The following IKZF1 variants were observed in gnomAD, a reference collection of about 807,000 sequenced individuals.
The protein encoded by IKZF1 is IKAROS family zinc finger 1, also known as DNA-binding protein Ikaros.
A neutral mutation model predicts 51.7 loss-of-function variants in IKZF1; 10 were observed. The observed-to-expected ratio is 0.19, with a 90% confidence interval of 0.12 to 0.33. IKZF1 has a LOEUF of 0.33. IKZF1 is among the 10% of genes least tolerant of loss of function. IKZF1 has a pLI of 1.00. For missense variants in IKZF1, 484 were observed against 707.5 expected (o/e 0.68, Z 3.58); for synonymous variants, 280 against 282.3 (o/e 0.99, Z 0.08).
chr7:50,362,435 C>A (rs1489395052), intron 3 of IKZF1, among the ~76,000 whole-genome samples: 1 of 152,224 alleles, frequency 6.6e-6, no homozygotes, highest in East Asian at 1.9e-4. Context: ...CTTCAGTGGA[C>A]TTGCAAAGCA....
At chr7:50,375,965 T>A (rs1437365911) in intron 3 of IKZF1, among the ~76,000 whole-genome samples, 2 of 152,230 alleles carry the variant, frequency 1.3e-5, no homozygotes, top group Admixed American at 1.3e-4. Context: ...GTCAGAACTC[T>A]GAGCATTTTT....
intron 1 of IKZF1, among the ~76,000 whole-genome samples, chr7:50,309,773 C>G (rs1251259780): frequency 6.6e-6 from 1 of 152,064 alleles, no homozygotes; most frequent in Non-Finnish European, 1.5e-5. Flanking sequence ...AAACCTAGAG[C>G]AAATAAAATT....
In IKZF1 at chr7:50,404,268, T is replaced by A; in HGVS notation, c.*3641T>A. 1 of 221,138 alleles carries A rather than the reference T, an allele frequency of 4.5e-6. No homozygotes were observed. 13.7% of individuals were successfully genotyped at this position (221,138 alleles called of 1,614,324 possible). Reference sequence around the variant, plus strand: ...CTTCTGGCGAGTACATGCACAGGATTGTAAATGAGAAATGCAGTCATATTT... The same window carrying A: ...CTTCTGGCGAGTACATGCACAGGATAGTAAATGAGAAATGCAGTCATATTT... On this transcript the variant is annotated 3_prime_UTR_variant, in exon 8 of 8. Coordinates refer to ENST00000331340, the MANE Select transcript of IKZF1 (RefSeq NM_006060.6).
intron 3 of IKZF1, among the ~76,000 whole-genome samples, chr7:50,359,215 C>T (rs1054649067): frequency 6.6e-6 from 1 of 152,088 alleles, no homozygotes; most frequent in South Asian, 2.1e-4. Context: ...GAGCTGTGAT[C>T]GAGCCACTGC....
At chr7:50,378,241 A>G (rs1205095143) in intron 4 of IKZF1, among the ~76,000 whole-genome samples, 1 of 152,354 alleles carries the variant, frequency 6.6e-6, no homozygotes, top group East Asian at 1.9e-4. Context: ...TCCATCTTCC[A>G]TAAAAATTCA....
chr7:50,389,344 T>C lies in IKZF1; in HGVS notation c.715+1874T>C, dbSNP rs140370692. Among the ~76,000 whole-genome samples, 4 of 152,338 alleles carry C rather than the reference T, an allele frequency of 2.6e-5. No individual in the cohort carries two copies. The East Asian group carries it at 7.7e-4, about 29-fold the overall frequency. On this transcript the variant is annotated intron_variant, in intron 6 of 7. Coordinates refer to ENST00000331340, the MANE Select transcript of IKZF1 (RefSeq NM_006060.6). ...CACCATCAAGCTAATTCTTCTCTAT[T>C]GGTCTCTATGTCAGTAAGGCTACGT... is the stretch of plus-strand genomic sequence containing the variant.
chr7:50,373,943 C>T (rs1809487754), intron 3 of IKZF1, among the ~76,000 whole-genome samples: 2 of 152,194 alleles, frequency 1.3e-5, no homozygotes, highest in African/African-American at 4.8e-5. Context: ...TGCTCAGATG[C>T]TCTCGGTCTC....
intron 4 of IKZF1, chr7:50,377,058 G>C: frequency 1.9e-6 from 1 of 526,840 alleles, no homozygotes; most frequent in Non-Finnish European, 3.3e-6. Context: ...GAGGCTTGGC[G>C]AGGGCTGCTA....
intron 3 of IKZF1, among the ~76,000 whole-genome samples, chr7:50,360,577 A>C (rs1804903883): frequency 6.6e-6 from 1 of 152,244 alleles, no homozygotes; most frequent in Non-Finnish European, 1.5e-5. Flanking sequence ...TTACACCGGC[A>C]GCAACAGTTT....
intron 3 of IKZF1, among the ~76,000 whole-genome samples, chr7:50,364,386 C>T (rs1806193824): frequency 6.6e-6 from 1 of 152,100 alleles, no homozygotes; most frequent in Non-Finnish European, 1.5e-5. Context: ...GAAATTCTTA[C>T]CAAATAAGTT....
At chr7:50,311,887 A>G (rs888017603) in intron 1 of IKZF1, among the ~76,000 whole-genome samples, 26 of 151,840 alleles carry the variant, frequency 1.7e-4, no homozygotes, top group African/African-American at 6.1e-4. Flanking sequence ...AAAAATGAAG[A>G]AAAAAACGTT....
chr7:50,346,423 C>T (rs1273999247), intron 3 of IKZF1, among the ~76,000 whole-genome samples: 1 of 152,234 alleles, frequency 6.6e-6, no homozygotes, highest in African/African-American at 2.4e-5. Flanking sequence ...TTTCTCTTCT[C>T]TCAAGCAGTT....
intron 5 of IKZF1, 131 bp from the exon 6 acceptor site, chr7:50,387,214 G>GT (rs1188319448): frequency 7.8e-7 from 1 of 1,284,980 alleles, no homozygotes; most frequent in African/African-American, 1.5e-5. Context: ...CACCAAGTCC[G>GT]TAACAGTTTT....
At chr7:50,321,734 C>T (rs571651984) in intron 2 of IKZF1, among the ~76,000 whole-genome samples, 108 of 152,120 alleles carry the variant, frequency 7.1e-4, no homozygotes, top group African/African-American at 2.5e-3. Context: ...CTCAGTATTC[C>T]GATCTCGTAT....
chr7:50,367,949 G>A (rs1335438417), intron 3 of IKZF1: 1 of 622,256 alleles, frequency 1.6e-6, no homozygotes, highest in African/African-American at 1.8e-5. Context: ...GTTAAACTCT[G>A]ACTATACTCT....
Position 50,401,766 on chromosome 7 carries a change from TTAGAACAG to T in IKZF1, c.*1141_*1148del. On this transcript the variant is annotated 3_prime_UTR_variant, in exon 8 of 8. Coordinates refer to ENST00000331340, the MANE Select transcript of IKZF1 (RefSeq NM_006060.6). ...GTTTTAAAACCCATAAAGGAGTGAT[TTAGAACAG>T]TCATTAATTTTCAACTCAATGAAAT... The T allele has an allele frequency of 4.5e-6, 1 of 220,140 alleles. No individual in the cohort carries two copies. Among genetic ancestry groups the T allele is most frequent in the Non-Finnish European group, 9.1e-6 (1 of 109,732 alleles). The allele number at this position is 220,140 out of a possible 1,614,324, so 13.6% of individuals were successfully genotyped here.
At position 50,400,572 on chromosome 7, in the gene IKZF1, G is replaced by C. The variant is rs1388304045; in HGVS notation, c.1505G>C (p.Arg502Pro). ...ATGTGCGGCTACCACAGCCAGGACCGGTACGAGTTCTCGTCGCACATAACG... is the reference window on the plus strand; with the variant it reads ...ATGTGCGGCTACCACAGCCAGGACCCGTACGAGTTCTCGTCGCACATAACG... ...CNMCGYHSQD[R>P]YEFSSHITRG... Residue 502 changes from arginine (R) to proline (P), a missense_variant, in exon 8 of 8, where the codon CGG becomes CCG. This residue lies in a region of IKZF1 where 42 missense variants were observed against 84.4 expected (regional missense o/e 0.50). Transcript: ENST00000331340. This position sits in a 1 kb window ranked among gnomAD's most constrained non-coding sequence, Gnocchi z 5.4. 1.2e-6 allele frequency: 2 copies of C among 1,613,694 alleles called. No individual in the cohort carries two copies. The highest frequency in any genetic ancestry group is 1.3e-5 in the African/African-American group (1 of 75,030).
intron 7 of IKZF1, among the ~76,000 whole-genome samples, chr7:50,394,795 C>CT (rs1816223156): frequency 6.6e-6 from 1 of 152,110 alleles, no homozygotes; most frequent in Non-Finnish European, 1.5e-5. Context: ...ATTTGTTTTG[C>CT]CAGCAACATT....
In IKZF1 at chr7:50,400,157, T is replaced by G. The variant is rs749853011; in HGVS notation, c.1090T>G (p.Ser364Ala). 1 of 1,561,972 alleles carries G rather than the reference T, an allele frequency of 6.4e-7. No homozygotes were observed. The highest frequency in any genetic ancestry group is 8.7e-7 in the Non-Finnish European group (1 of 1,155,056). Residue 364 changes from serine (S) to alanine (A), a missense_variant, in exon 8 of 8, where the codon TCG (serine) becomes GCG (alanine). This residue lies in a region of IKZF1 where 172 missense variants were observed against 192.7 expected (regional missense o/e 0.89). Transcript: ENST00000331340. This position sits in a 1 kb window ranked among gnomAD's most constrained non-coding sequence, Gnocchi z 5.4. The stretch of plus-strand genomic sequence containing the variant: ...GGAGGGCACCCCGCGCTCCAACCAC[T>G]CGGCCCAGGACAGCGCCGTGGAGAA... ...LAEGTPRSNHSAQDSAVENLL... is the reference protein window; with the variant it reads ...LAEGTPRSNHAAQDSAVENLL...
Sources: allele counts gnomAD v4.1 joint callset (sites outside exome capture counted in the v4.1 genomes callset), GRCh38; gene constraint gnomAD v4.1.1; regional missense constraint gnomAD v4.1.1; non-coding constraint Gnocchi (gnomAD v3.1); transcripts MANE v1.5; gene names NCBI Gene and HGNC (gene_info 2026-07-23, HGNC 2026-07-21).